Variants in RPS6KC1 observed in about 807,000 individuals in gnomAD.
The protein encoded by RPS6KC1 is ribosomal protein S6 kinase C1.
In RPS6KC1, 54 loss-of-function variants were observed where a neutral mutation model predicts 103.8. The observed-to-expected ratio is 0.52, with a 90% CI of 0.42 to 0.65. RPS6KC1 has a LOEUF of 0.65. Among genes scored for constraint, RPS6KC1 ranks in the 30% least tolerant of loss-of-function variants. RPS6KC1 has a pLI of 0.00. For synonymous variants in RPS6KC1, 439 were observed against 438.7 expected (o/e 1.00, Z -0.01); for missense variants, 1,151 against 1,253.8 (o/e 0.92, Z 1.24).
At chr1:213,102,387 T>C (rs2082093890) in intron 3 of RPS6KC1, among the ~76,000 whole-genome samples, 1 of 152,260 alleles carries the variant, frequency 6.6e-6, no homozygotes, top group Admixed American at 6.5e-5. Context: ...TGTACCCTGT[T>C]TGTGTCATTT....
chr1:213,375,012 CACATACATACACAT>C, the RPS6KC1 span, among the ~76,000 whole-genome samples: 1 of 151,974 alleles, frequency 6.6e-6, no homozygotes, highest in African/African-American at 2.4e-5. Context: ...TACATACACA[CACATACATACACAT>C]ACACACACAT....
intron 10 of RPS6KC1, among the ~76,000 whole-genome samples, chr1:213,232,765 G>A (rs2094133835): frequency 6.6e-6 from 1 of 152,148 alleles, no homozygotes; most frequent in African/African-American, 2.4e-5. Context: ...ACAAAGCAGA[G>A]GCACAGTTCT....
At chr1:213,557,222 C>T in the RPS6KC1 span, among the ~76,000 whole-genome samples, 1 of 152,204 alleles carries the variant, frequency 6.6e-6, no homozygotes. Context: ...CCACTCTGAG[C>T]TCATACCTCT....
rs78537823 is a variant in RPS6KC1 at position 213,157,697 on chromosome 1, A to G, written c.836-10161A>G. ...GGAGTATTCTGTAGATTCAGAATTC[A>G]GGTTGGTTGATAATACTGCTCAAGT... On this transcript the variant is annotated intron_variant, in intron 6 of 14. Transcript: ENST00000366960. Among the ~76,000 whole-genome samples the G allele has an allele frequency of 6.4e-3, 982 of 152,254 alleles. 14 individuals are homozygous for G. Among genetic ancestry groups the G allele is most frequent in the African/African-American group, 0.022 (908 of 41,552 alleles).
intron 3 of RPS6KC1, among the ~76,000 whole-genome samples, chr1:213,090,327 TGACA>T (rs2080847676): frequency 6.6e-6 from 1 of 152,206 alleles, no homozygotes; most frequent in Non-Finnish European, 1.5e-5. Flanking sequence ...TTTGATTCCT[TGACA>T]AGACCCTAAG....
intron 7 of RPS6KC1, among the ~76,000 whole-genome samples, chr1:213,170,966 C>A (rs1190919186): frequency 6.6e-6 from 1 of 152,198 alleles, no homozygotes; most frequent in Non-Finnish European, 1.5e-5. Context: ...AATCAGTGTG[C>A]AAACATTTCT....
chr1:213,622,951 G>C, the RPS6KC1 span, among the ~76,000 whole-genome samples: 3 of 152,176 alleles, frequency 2.0e-5, no homozygotes, highest in African/African-American at 7.2e-5. Flanking sequence ...GTCGCGCGAG[G>C]CCAGACAGCA....
chr1:213,185,162 C>T (rs1379766101), intron 8 of RPS6KC1, among the ~76,000 whole-genome samples: 1 of 152,124 alleles, frequency 6.6e-6, no homozygotes, highest in African/African-American at 2.4e-5. Context: ...CTTGGTTTTA[C>T]AATCTTAGAT....
the RPS6KC1 span, among the ~76,000 whole-genome samples, chr1:213,731,226 A>C: frequency 6.6e-6 from 1 of 152,178 alleles, no homozygotes; most frequent in African/African-American, 2.4e-5. Flanking sequence ...TGCCTTGGCT[A>C]TTCAGCTCTT....
chr1:213,166,313 T>G (rs1192721230), intron 6 of RPS6KC1, among the ~76,000 whole-genome samples: 1 of 152,166 alleles, frequency 6.6e-6, no homozygotes, highest in Non-Finnish European at 1.5e-5. Context: ...ACAATGGAAA[T>G]AGCAGACTCC....
At chr1:213,465,230 G>A in the RPS6KC1 span, among the ~76,000 whole-genome samples, 1 of 152,122 alleles carries the variant, frequency 6.6e-6, no homozygotes, top group East Asian at 1.9e-4. Context: ...TAGGGAATAT[G>A]ACTCAAAACC....
chr1:213,520,370 C>T, the RPS6KC1 span, among the ~76,000 whole-genome samples: 2 of 152,122 alleles, frequency 1.3e-5, no homozygotes, highest in African/African-American at 4.8e-5. Context: ...GACTTATTCA[C>T]TACCACGAGA....
chr1:213,803,240 C>CTTT, the RPS6KC1 span, among the ~76,000 whole-genome samples: 15 of 101,376 alleles, frequency 1.5e-4, no homozygotes, highest in East Asian at 3.4e-4. Context: ...AAGGCAGTGG[C>CTTT]TTTTTTTTTT....
chr1:213,059,977 G>C (rs573453247), intron 1 of RPS6KC1, among the ~76,000 whole-genome samples: 2 of 151,982 alleles, frequency 1.3e-5, no homozygotes, highest in Non-Finnish European at 2.9e-5. Flanking sequence ...GGCCACACCC[G>C]GCTGATTTTT....
intron 3 of RPS6KC1, among the ~76,000 whole-genome samples, chr1:213,078,019 A>T (rs1157988410): frequency 6.6e-6 from 1 of 152,170 alleles, no homozygotes; most frequent in Non-Finnish European, 1.5e-5. Flanking sequence ...CCTATCTATG[A>T]AACAAAACAA....
At chr1:213,734,454 G>C in the RPS6KC1 span, among the ~76,000 whole-genome samples, 1 of 57,082 alleles carries the variant, frequency 1.8e-5, no homozygotes, top group African/African-American at 8.8e-5. Context: ...AAAAAATTAG[G>C]GATTTTGTCA....
chr1:213,788,268 A>G, the RPS6KC1 span, among the ~76,000 whole-genome samples: 3 of 152,162 alleles, frequency 2.0e-5, no homozygotes, highest in Admixed American at 2.0e-4. Flanking sequence ...GTGGCAAAAC[A>G]CATCTTCCCA....
chr1:213,260,013 A>G (rs1319135391), intron 12 of RPS6KC1, among the ~76,000 whole-genome samples: 2 of 152,190 alleles, frequency 1.3e-5, no homozygotes, highest in Non-Finnish European at 2.9e-5. Context: ...TGCTGGGATT[A>G]TAGGCGTGAG....
chr1:213,080,318 A>C (rs994556284), intron 3 of RPS6KC1, among the ~76,000 whole-genome samples: 5 of 152,264 alleles, frequency 3.3e-5, no homozygotes, highest in African/African-American at 9.6e-5. Context: ...TTATTACATA[A>C]TATTTTTAGT....
Sources: allele counts gnomAD v4.1 joint callset (sites outside exome capture counted in the v4.1 genomes callset), GRCh38; gene constraint gnomAD v4.1.1; transcripts MANE v1.5; gene names NCBI Gene and HGNC (gene_info 2026-07-23, HGNC 2026-07-21).